PHTF1: variants seen among roughly 807,000 people sequenced by gnomAD.
The protein encoded by PHTF1 is putative homeodomain transcription factor 1.
Under a neutral mutation model 102.4 loss-of-function variants are expected in PHTF1, and 88 were observed. The ratio of observed to expected loss-of-function variants is 0.86; its 90% CI spans 0.72 to 1.03. PHTF1 has a LOEUF of 1.03. Ranked by LOEUF, PHTF1 falls within the 50% of genes least tolerant of loss-of-function variation. PHTF1 has a pLI of 0.00. For synonymous variants in PHTF1, 289 were observed against 305.2 expected (o/e 0.95, Z 0.55); for missense variants, 814 against 909.5 (o/e 0.89, Z 1.35).
chr1:113,716,605 C>T (rs986193128), intron 7 of PHTF1, among the ~76,000 whole-genome samples: 10 of 152,112 alleles, frequency 6.6e-5, no homozygotes, highest in African/African-American at 2.2e-4. Flanking sequence ...CCATCTTGAC[C>T]TCCCAAAGTG....
chr1:113,711,924 C>G lies in PHTF1; in HGVS notation c.957+16G>C. 6.2e-7 allele frequency: 1 copy of G among 1,610,120 alleles called. No individual in the cohort carries two copies. Among genetic ancestry groups the G allele is most frequent in the Non-Finnish European group, 8.5e-7 (1 of 1,176,448 alleles). ...TGATTCAGTCCTATACTTTCATAAA[C>G]TAAAATAGAAATTACCTGAGAGTTT... On this transcript the variant is annotated intron_variant, in intron 9 of 18. Transcript: ENST00000369604.
At chr1:113,738,635 AT>A in intron 4 of PHTF1, 94 bp downstream of exon 4, 1 of 773,576 alleles carries the variant, frequency 1.3e-6, no homozygotes, top group Non-Finnish European at 2.2e-6. Context: ...ACATTTAGAA[AT>A]TAAAGTATAC....
At chr1:113,715,648 C>CAAAAAAAAAAAAAAAAAAAAAAAA (rs60517410) in intron 7 of PHTF1, among the ~76,000 whole-genome samples, 1 of 24,960 alleles carries the variant, frequency 4.0e-5, no homozygotes, top group Non-Finnish European at 7.9e-5. Context: ...AACCCTGTCT[C>CAAAAAAAAAAAAAAAAAAAAAAAA]AAAAAAAAAA....
chr1:113,754,251 A>C (rs1158452846), intron 3 of PHTF1, among the ~76,000 whole-genome samples: 2 of 152,110 alleles, frequency 1.3e-5, no homozygotes, highest in African/African-American at 4.8e-5. Flanking sequence ...TCTCTACAAA[A>C]AATTTAAAAA....
At chr1:113,723,369 G>A (rs1281042816) in intron 7 of PHTF1, among the ~76,000 whole-genome samples, 4 of 152,138 alleles carry the variant, frequency 2.6e-5, no homozygotes, top group African/African-American at 9.7e-5. Context: ...GTAGAGACAA[G>A]GTTTGGCCAT....
intron 7 of PHTF1, among the ~76,000 whole-genome samples, chr1:113,724,487 G>A (rs1299441818): frequency 6.7e-6 from 1 of 148,356 alleles, no homozygotes; most frequent in Non-Finnish European, 1.5e-5. Flanking sequence ...GTTGCAGTGA[G>A]CCAAGATCGT....
In PHTF1 at chr1:113,726,408, CTCA is replaced by C; in HGVS notation, c.488+7_488+9del. Reference sequence around the variant, plus strand: ...AAAATATACAACTACAGTGTAATTTCTCATCTTACCTTCTTCTTCGATTTCCAT... The same window carrying C: ...AAAATATACAACTACAGTGTAATTTCTCTTACCTTCTTCTTCGATTTCCAT... On this transcript the variant is annotated splice_region_variant and intron_variant, in intron 6 of 18. Transcript: ENST00000369604. The C allele has an allele frequency of 6.3e-7, 1 of 1,587,828 alleles. No individual in the cohort carries two copies. The highest frequency in any genetic ancestry group is 8.6e-7 in the Non-Finnish European group (1 of 1,161,012).
intron 3 of PHTF1, among the ~76,000 whole-genome samples, chr1:113,744,305 G>C (rs1312067524): frequency 2.6e-5 from 4 of 152,182 alleles, no homozygotes; most frequent in Non-Finnish European, 5.9e-5. Flanking sequence ...AAAAACACTG[G>C]AGGTATTGAT....
chr1:113,742,641 T>C (rs1380243874), intron 3 of PHTF1, among the ~76,000 whole-genome samples: 1 of 151,778 alleles, frequency 6.6e-6, no homozygotes, highest in African/African-American at 2.4e-5. Flanking sequence ...AAAAAAAAGA[T>C]AAAAAATGGT....
At position 113,700,904 on chromosome 1, in the gene PHTF1, C is replaced by A. The variant is rs1649365347; in HGVS notation, c.1936G>T (p.Glu646Ter). 6.2e-7 allele frequency: 1 copy of A among 1,612,698 alleles called. No homozygotes were observed. Among genetic ancestry groups the A allele is most frequent in the Non-Finnish European group, 8.5e-7 (1 of 1,179,506 alleles). ...KTFLNDAYNWEFLIWETALLL... is the reference protein window; with the variant it reads ...KTFLNDAYNW ...AAAGCTGTTTCCCAGATCAAAAACT[C>A]CCAGTTATAAGCATCATTCAGGAAA... The change falls in exon 16 of 19, where the codon GAG (glutamate) becomes TAG (stop). Residue 646 changes from glutamate (E) to a stop codon, truncating the protein, a stop_gained. Coordinates refer to ENST00000369604, the MANE Select transcript of PHTF1 (RefSeq NM_001323043.2). LOFTEE classifies it high-confidence loss of function.
Position 113,722,877 on chromosome 1 carries a change from G to A in PHTF1, c.623+1882C>T, listed in dbSNP as rs570177704. ...AGAGGTTGCAGTGAGCCGAGATCGCGCCATTGCACTCCAGCCTGGATGACA... is the reference window on the plus strand; with the variant it reads ...AGAGGTTGCAGTGAGCCGAGATCGCACCATTGCACTCCAGCCTGGATGACA... On this transcript the variant is annotated intron_variant, in intron 7 of 18. Transcript: ENST00000369604. Among the ~76,000 whole-genome samples the A allele has an allele frequency of 3.8e-4, 57 of 150,662 alleles. 1 individual carries two copies. The South Asian group carries it at 6.5e-3, about 17-fold the overall frequency.
chr1:113,700,697 G>T, intron 16 of PHTF1, 97 bp downstream of exon 16: 1 of 1,133,416 alleles, frequency 8.8e-7, no homozygotes, highest in Non-Finnish European at 1.3e-6. Context: ...GAAAGTGACA[G>T]CTAGACAGTG....
intron 2 of PHTF1, 110 bp downstream of exon 2, chr1:113,758,549 C>A: frequency 1.1e-4 from 42 of 393,646 alleles, no homozygotes; most frequent in East Asian, 2.5e-4. Context: ...TTGAAGTATA[C>A]ATGAACACCT....
At chr1:113,727,979 GAAA>G (rs999146243) in intron 5 of PHTF1, among the ~76,000 whole-genome samples, 4 of 150,798 alleles carry the variant, frequency 2.7e-5, no homozygotes, top group African/African-American at 9.7e-5. Context: ...TCTCAAAAAA[GAAA>G]AAAAAATTGG....
intron 7 of PHTF1, among the ~76,000 whole-genome samples, chr1:113,720,607 G>A (rs1652769567): frequency 6.6e-6 from 1 of 152,220 alleles, no homozygotes; most frequent in South Asian, 2.1e-4. Context: ...GGAGGGTACA[G>A]CCTCCCTCCT....
At chr1:113,701,856 A>AAAAAAAAAAAAT (rs1649487468) in intron 15 of PHTF1, among the ~76,000 whole-genome samples, 2 of 141,506 alleles carry the variant, frequency 1.4e-5, no homozygotes, top group South Asian at 4.5e-4. Flanking sequence ...AAAAAAAAAA[A>AAAAAAAAAAAAT]AAATCATTCA....
chr1:113,726,978 T>G (rs1243085844), intron 5 of PHTF1, among the ~76,000 whole-genome samples: 1 of 152,158 alleles, frequency 6.6e-6, no homozygotes, highest in African/African-American at 2.4e-5. Flanking sequence ...GAGTCCTCAC[T>G]CTTAACTACT....
chr1:113,717,422 G>C (rs74655032), intron 7 of PHTF1, among the ~76,000 whole-genome samples: 6,073 of 152,004 alleles, frequency 0.04, 421 homozygotes, highest in African/African-American at 0.14. Context: ...AAAAGACATA[G>C]AGTGGCTTAA....
chr1:113,704,730 G>T lies in PHTF1; in HGVS notation c.1739C>A (p.Pro580His). The T allele has an allele frequency of 6.4e-7, 1 of 1,570,228 alleles. No homozygotes were observed. The highest frequency in any genetic ancestry group is 8.8e-7 in the Non-Finnish European group (1 of 1,140,718). The change falls in exon 14 of 19, where the codon CCT (proline) becomes CAT (histidine). Residue 580 changes from proline to histidine, a missense_variant. Transcript: ENST00000369604. ...SARKARKYEI[P>H]HFRLKKVENI... ...CTCCACCTTCTTAAGTCTGAAATGAGGTATTTCATATTTCCTAGCTTTCCT... is the reference window on the plus strand; with the variant it reads ...CTCCACCTTCTTAAGTCTGAAATGATGTATTTCATATTTCCTAGCTTTCCT...
Sources: allele counts gnomAD v4.1 joint callset (sites outside exome capture counted in the v4.1 genomes callset), GRCh38; gene constraint gnomAD v4.1.1; transcripts MANE v1.5; gene names NCBI Gene and HGNC (gene_info 2026-07-23, HGNC 2026-07-21).